PRPF19: variants seen among roughly 807,000 people sequenced by gnomAD.
The protein encoded by PRPF19 is pre-mRNA-processing factor 19.
A neutral mutation model predicts 64.2 loss-of-function variants in PRPF19; 2 were observed. The observed-to-expected ratio is 0.03, with a 90% CI of 0.01 to 0.10. PRPF19 has a LOEUF of 0.10. Among genes scored for constraint, PRPF19 ranks in the 10% least tolerant of loss-of-function variants. PRPF19 has a pLI of 1.00. For missense variants in PRPF19, 314 were observed against 650.0 expected, an observed-to-expected ratio of 0.48 and a Z score of 5.62; for synonymous variants, 226 against 251.6, an observed-to-expected ratio of 0.90 and a Z score of 0.96.
intron 7 of PRPF19, 21 bp from the exon 8 acceptor site, chr11:60,901,390 C>T (rs774553949): frequency 6.2e-6 from 10 of 1,614,168 alleles, no homozygotes; most frequent in Non-Finnish European, 8.5e-6. Context: ...GAAAAGCCCC[C>T]AAAGAAGAGC....
chr11:60,906,509 C>A lies in PRPF19; in HGVS notation c.-127G>T, dbSNP rs1171969940. The A allele has an allele frequency of 3.9e-6, 4 of 1,015,910 alleles. No homozygotes were observed. Among genetic ancestry groups the A allele is most frequent in the Non-Finnish European group, 4.3e-6 (3 of 698,086 alleles). The allele number at this position is 1,015,910 out of a possible 1,614,324, so 62.9% of individuals were successfully genotyped here. The stretch of plus-strand genomic sequence containing the variant: ...CCGCGGCGAGCTGGGAGCCGCCAGC[C>A]GAGCGATGCTAGCGTAGCGCTTCAC... On this transcript the variant is annotated 5_prime_UTR_variant, in exon 1 of 16. Coordinates refer to ENST00000227524, the MANE Select transcript of PRPF19 (RefSeq NM_014502.5).
Position 60,902,264 on chromosome 11 carries a change from C to G in PRPF19, c.525+139G>C. ...AAGTAGTGGCATCAAAATACAAACC[C>G]AGGCAATCTGGTCCCAGGGTCCATG... is the stretch of plus-strand genomic sequence containing the variant. On this transcript the variant is annotated intron_variant, in intron 6 of 15. Transcript: ENST00000227524. This position sits in a 1 kb window ranked among gnomAD's most constrained non-coding sequence, Gnocchi z 5.0. 1.0e-6 allele frequency: 1 copy of G among 952,378 alleles called. No individual in the cohort carries two copies. The highest frequency in any genetic ancestry group is 1.6e-6 in the Non-Finnish European group (1 of 628,194). The allele number at this position is 952,378 out of a possible 1,614,324, so 59.0% of individuals were successfully genotyped here. A position where few individuals can be genotyped will look rare whatever the true frequency, so the allele number is the denominator to read the frequency against.
rs1188992515 is a variant in PRPF19, at chr11:60,899,321, GAC to G, written c.829-19_829-18del. On this transcript the variant is annotated intron_variant, in intron 10 of 15. Transcript: ENST00000227524. Reference sequence around the variant, plus strand: ...CACCAGGTCCTACAAGGAAAACAAAGACAGAATATCAGAGTCAGAAAAGAGAT... The same window carrying G: ...CACCAGGTCCTACAAGGAAAACAAAGAGAATATCAGAGTCAGAAAAGAGAT... 6 of 1,603,634 alleles carry G rather than the reference GAC, an allele frequency of 3.7e-6. No homozygotes were observed. The highest frequency in any genetic ancestry group is 5.1e-6 in the Non-Finnish European group (6 of 1,170,842).
At chr11:60,905,996 G>A (rs559357214) in intron 1 of PRPF19, among the ~76,000 whole-genome samples, 2 of 152,324 alleles carry the variant, frequency 1.3e-5, no homozygotes, top group South Asian at 2.1e-4. Context: ...CCAGAGCCTT[G>A]AGCCAATTCA....
intron 15 of PRPF19, among the ~76,000 whole-genome samples, chr11:60,892,766 T>C (rs1038631912): frequency 1.3e-5 from 2 of 152,216 alleles, no homozygotes; most frequent in East Asian, 1.9e-4. Flanking sequence ...AGGAACATCA[T>C]GAATCCCCTT....
At chr11:60,893,537 G>A (rs955947930) in intron 15 of PRPF19, among the ~76,000 whole-genome samples, 4 of 150,724 alleles carry the variant, frequency 2.7e-5, no homozygotes, top group Non-Finnish European at 4.4e-5. Flanking sequence ...ATTAGGTACA[G>A]TACGTTACTG....
chr11:60,897,798 G>A (rs373766395), intron 15 of PRPF19, 48 bp downstream of exon 15: 46 of 1,525,392 alleles, frequency 3.0e-5, no homozygotes, highest in Middle Eastern at 1.8e-4. Flanking sequence ...GCTTCCCTCC[G>A]GGCCTGGGCA....
At chr11:60,900,522 G>C in intron 10 of PRPF19, 60 bp downstream of exon 10, 1 of 1,332,036 alleles carries the variant, frequency 7.5e-7, no homozygotes, top group Non-Finnish European at 1.0e-6. Context: ...CAGCAGCGGG[G>C]TGAGGGACAA....
In PRPF19 at chr11:60,902,473, G is replaced by A. The variant is rs762258048; in HGVS notation, c.463-8C>T. 3.1e-6 allele frequency: 5 copies of A among 1,613,958 alleles called. No individual in the cohort carries two copies. In the Admixed American group the frequency reaches 8.3e-5, roughly 27 times the overall value. ...CATTGGCTCACCCGCACCCTGAAGA[G>A]AAGAAAGGTGAGGGTGAGAGGCACA... On this transcript the variant is annotated splice_polypyrimidine_tract_variant and splice_region_variant and intron_variant, in intron 5 of 15. Coordinates refer to ENST00000227524, the MANE Select transcript of PRPF19 (RefSeq NM_014502.5). The surrounding 1 kb of genome is among the most constrained non-coding windows in gnomAD (Gnocchi z 5.0).
intron 15 of PRPF19, among the ~76,000 whole-genome samples, chr11:60,897,021 C>T (rs1855929790): frequency 6.6e-6 from 1 of 152,118 alleles, no homozygotes; most frequent in Non-Finnish European, 1.5e-5. Flanking sequence ...TTTAGTAAAA[C>T]CTAAGTGTAC....
chr11:60,900,784 G>GA (rs1343785030), intron 9 of PRPF19, 70 bp downstream of exon 9: 12 of 1,597,790 alleles, frequency 7.5e-6, no homozygotes, highest in Non-Finnish European at 1.0e-5. Context: ...CCATGAAGAG[G>GA]ACAAGGAGCA....
At chr11:60,900,822 T>C in intron 9 of PRPF19, 32 bp downstream of exon 9, 1 of 1,613,232 alleles carries the variant, frequency 6.2e-7, no homozygotes, top group Non-Finnish European at 8.5e-7. Flanking sequence ...CCCTCCCCAC[T>C]TTGGCCTGCC....
At position 60,906,417 on chromosome 11, in the gene PRPF19, G is replaced by A. The variant is rs1565112851; in HGVS notation, c.-35C>T. On this transcript the variant is annotated 5_prime_UTR_variant, in exon 1 of 16. Coordinates refer to ENST00000227524, the MANE Select transcript of PRPF19 (RefSeq NM_014502.5). ...ACCGTGCTCCGAGGCGCCACACGCC[G>A]GGCTCCGGGACTAGCTTCTGAGCCT... 3 of 1,549,730 alleles carry A rather than the reference G, an allele frequency of 1.9e-6. No homozygotes were observed. Among genetic ancestry groups the A allele is most frequent in the South Asian group, 1.2e-5 (1 of 84,566 alleles).
At chr11:60,900,759 C>T in intron 9 of PRPF19, 68 bp from the exon 10 acceptor site, 1 of 1,582,632 alleles carries the variant, frequency 6.3e-7, no homozygotes, top group Non-Finnish European at 8.6e-7. Context: ...CAAGGAAATG[C>T]TTTTGTTCCC....
chr11:60,903,633 C>A, intron 2 of PRPF19, 79 bp downstream of exon 2: 1 of 1,582,198 alleles, frequency 6.3e-7, no homozygotes, highest in South Asian at 1.1e-5. Flanking sequence ...CCATCTCTTC[C>A]TCCAGTGCAC....
intron 7 of PRPF19, 62 bp from the exon 8 acceptor site, chr11:60,901,431 C>A: frequency 6.2e-7 from 1 of 1,613,844 alleles, no homozygotes; most frequent in South Asian, 1.1e-5. Context: ...GCCGCCCTCT[C>A]TCTCCTAAGG....
intron 6 of PRPF19, 146 bp from the exon 7 acceptor site, chr11:60,901,686 CTT>C (rs1855985853): frequency 4.5e-6 from 4 of 885,234 alleles, no homozygotes; most frequent in Non-Finnish European, 6.9e-6. Flanking sequence ...GGCATTCTCT[CTT>C]CTTACTTCCA....
intron 15 of PRPF19, 54 bp downstream of exon 15, chr11:60,897,792 C>T: frequency 6.8e-7 from 1 of 1,479,344 alleles, no homozygotes. Flanking sequence ...AGTGAGGCTT[C>T]CCTCCGGGCC....
intron 1 of PRPF19, 74 bp downstream of exon 1, chr11:60,906,290 G>A (rs2134868035): frequency 1.3e-6 from 2 of 1,522,338 alleles, no homozygotes; most frequent in Non-Finnish European, 1.8e-6. Flanking sequence ...CCCGGGCGCC[G>A]CAGCGGACCG....
Sources: gnomAD v4.1 joint callset for allele counts (sites outside exome capture counted in the v4.1 genomes callset) on GRCh38, gnomAD v4.1.1 for gene constraint, Gnocchi (gnomAD v3.1) non-coding constraint, MANE v1.5 for transcripts, NCBI Gene and HGNC (gene_info 2026-07-23, HGNC 2026-07-21) for gene names.